Variants in EIF2AK4 observed in about 807,000 individuals in gnomAD.
EIF2AK4 encodes the protein eIF-2-alpha kinase GCN2.
A neutral mutation model predicts 211.1 loss-of-function variants in EIF2AK4; 139 were observed. The observed-to-expected ratio is 0.66, with a 90% confidence interval of 0.57 to 0.76. EIF2AK4 has a LOEUF of 0.76. EIF2AK4 is among the 30% of genes least tolerant of loss of function. The pLI is 0.00. For missense variants in EIF2AK4, 1,664 were observed against 2,043.8 expected (o/e 0.81, Z 3.58); for synonymous variants, 710 against 751.3 (o/e 0.94, Z 0.90).
rs1418461763 is a variant in EIF2AK4, at chr15:39,985,858, G to T, written c.2373G>T (p.Thr791=). 1.2e-6 allele frequency: 2 copies of T among 1,613,984 alleles called. No homozygotes were observed. Among genetic ancestry groups the T allele is most frequent in the African/African-American group, 2.7e-5 (2 of 74,928 alleles). ...NGCHESEPSV[T]TEAVHYLYIQ... ...GCCATGAAAGTGAGCCATCAGTGAC[G>T]ACTGAGGCTGTGCACTACCTATACA... The change falls in exon 14 of 39, where the codon ACG becomes ACT. Residue 791 remains threonine, a synonymous_variant. Transcript: ENST00000263791.
chr15:39,939,621 A>C lies in EIF2AK4; in HGVS notation c.257+4A>C, dbSNP rs371276330. The C allele has an allele frequency of 1.5e-4, 233 of 1,595,368 alleles. No homozygotes were observed. Among genetic ancestry groups the C allele is most frequent in the Non-Finnish European group, 1.9e-4 (225 of 1,169,252 alleles). Reference sequence around the variant, plus strand: ...GCCCACCTACCTATCCAGATGTGTGAGTACATTTATAAATAGCTTTGACGT... The same window carrying C: ...GCCCACCTACCTATCCAGATGTGTGCGTACATTTATAAATAGCTTTGACGT... On this transcript the variant is annotated splice_donor_region_variant and intron_variant, in intron 2 of 38. Coordinates refer to ENST00000263791, the MANE Select transcript of EIF2AK4 (RefSeq NM_001013703.4).
At chr15:39,942,197 C>G (rs572082185) in intron 2 of EIF2AK4, among the ~76,000 whole-genome samples, 1 of 152,228 alleles carries the variant, frequency 6.6e-6, no homozygotes, top group East Asian at 1.9e-4. Context: ...CATTGCTTTT[C>G]TGCAGAATAG....
chr15:40,022,326 A>G (rs2035402371), intron 31 of EIF2AK4, 193 bp from the exon 32 acceptor site: 5 of 536,150 alleles, frequency 9.3e-6, no homozygotes, highest in Non-Finnish European at 1.3e-5. Flanking sequence ...AAGGGAAGGG[A>G]GGCAAGAGAG....
chr15:40,030,292 C>T (rs1212322102), intron 34 of EIF2AK4, 67 bp from the exon 35 acceptor site: 5 of 1,471,338 alleles, frequency 3.4e-6, no homozygotes, highest in Non-Finnish European at 4.7e-6. Context: ...TCTGCCATCT[C>T]TCTGTAGTAT....
At position 40,006,313 on chromosome 15, in the gene EIF2AK4, GA is replaced by G. The variant is rs921485162; in HGVS notation, c.3358-694del. Among the ~76,000 whole-genome samples the G allele has an allele frequency of 1.1e-4, 17 of 150,274 alleles. 1 individual carries two copies. Among genetic ancestry groups the G allele is most frequent in the Admixed American group, 8.6e-4 (13 of 15,114 alleles). On this transcript the variant is annotated intron_variant, in intron 23 of 38. Coordinates refer to ENST00000263791, the MANE Select transcript of EIF2AK4 (RefSeq NM_001013703.4). The stretch of plus-strand genomic sequence containing the variant: ...TCAGATGAGACATTTGCGTTTTGTT[GA>G]AAAAAAAAGAATAGAAGTACAAATA...
intron 9 of EIF2AK4, among the ~76,000 whole-genome samples, chr15:39,968,131 A>C (rs577921752): frequency 6.6e-6 from 1 of 152,306 alleles, no homozygotes; most frequent in East Asian, 1.9e-4. Flanking sequence ...TGGGGGACTG[A>C]TGGGATACTC....
intron 6 of EIF2AK4, among the ~76,000 whole-genome samples, chr15:39,957,943 G>C (rs2034414268): frequency 6.6e-6 from 1 of 152,170 alleles, no homozygotes; most frequent in African/African-American, 2.4e-5. Flanking sequence ...CTATTCTAGT[G>C]GAAAGAACGT....
intron 36 of EIF2AK4, 26 bp downstream of exon 36, chr15:40,032,263 A>AGAGTTGATGTACATTTGTGTGTATTCAC: frequency 1.2e-6 from 2 of 1,605,324 alleles, no homozygotes; most frequent in Non-Finnish European, 1.7e-6. Context: ...TAGTATTTTG[A>AGAGTTGATGTACATTTGTGTGTATTCAC]AGGTGGCTTC....
At chr15:39,953,420 G>T (rs1880641040) in intron 4 of EIF2AK4, among the ~76,000 whole-genome samples, 1 of 152,322 alleles carries the variant, frequency 6.6e-6, no homozygotes, top group Non-Finnish European at 1.5e-5. Context: ...AAATACAGGT[G>T]ATTGAAGAAT....
At chr15:40,027,560 A>T (rs979766975) in intron 33 of EIF2AK4, among the ~76,000 whole-genome samples, 11 of 151,700 alleles carry the variant, frequency 7.3e-5, no homozygotes, top group African/African-American at 2.0e-4. Flanking sequence ...GAGTTCATTG[A>T]CATGGAAAGA....
At chr15:40,022,300 C>T (rs2035401930) in intron 31 of EIF2AK4, 6 of 452,032 alleles carry the variant, frequency 1.3e-5, no homozygotes, top group Admixed American at 3.9e-5. Context: ...TATTCATGGC[C>T]CTTTAAACAA....
chr15:39,939,082 T>A (rs1378901474), intron 1 of EIF2AK4, among the ~76,000 whole-genome samples: 1 of 152,214 alleles, frequency 6.6e-6, no homozygotes, highest in Non-Finnish European at 1.5e-5. Context: ...TACCTTCTCC[T>A]CGCCCACCAC....
chr15:39,957,271 T>C (rs2034403981), intron 6 of EIF2AK4, among the ~76,000 whole-genome samples: 1 of 152,208 alleles, frequency 6.6e-6, no homozygotes, highest in Non-Finnish European at 1.5e-5. Context: ...AGGCTTGTTT[T>C]TGAGATCAGA....
intron 13 of EIF2AK4, among the ~76,000 whole-genome samples, chr15:39,985,063 G>C (rs1595409815): frequency 6.6e-6 from 1 of 152,154 alleles, no homozygotes; most frequent in African/African-American, 2.4e-5. Flanking sequence ...TAGCATGAAG[G>C]GGTGTTGAAT....
chr15:39,941,263 T>C (rs1949531527), intron 2 of EIF2AK4, among the ~76,000 whole-genome samples: 1 of 152,232 alleles, frequency 6.6e-6, no homozygotes, highest in African/African-American at 2.4e-5. Flanking sequence ...GGGATGGGGC[T>C]GAAATTTCTC....
intron 3 of EIF2AK4, among the ~76,000 whole-genome samples, chr15:39,948,859 A>T (rs528569402): frequency 4.6e-5 from 7 of 152,372 alleles, no homozygotes; most frequent in Admixed American, 4.6e-4. Context: ...GAATAGGTCT[A>T]TAAAAGAAAA....
intron 6 of EIF2AK4, among the ~76,000 whole-genome samples, chr15:39,961,287 G>A (rs1226434353): frequency 6.6e-6 from 1 of 152,226 alleles, no homozygotes; most frequent in African/African-American, 2.4e-5. Flanking sequence ...CTGTTTTGCA[G>A]CTTTCTCCAG....
intron 35 of EIF2AK4, among the ~76,000 whole-genome samples, chr15:40,031,864 T>A (rs1462382673): frequency 2.0e-5 from 3 of 152,110 alleles, no homozygotes; most frequent in African/African-American, 7.2e-5. Context: ...TAGCTAGTAT[T>A]ATAAGCGCCG....
chr15:39,943,871 CG>C (rs1450088045), intron 3 of EIF2AK4, among the ~76,000 whole-genome samples: 1 of 152,094 alleles, frequency 6.6e-6, no homozygotes, highest in East Asian at 1.9e-4. Flanking sequence ...GGGAGAATTG[CG>C]TGAGCCCAGG....
Sources: allele counts gnomAD v4.1 joint callset (sites outside exome capture counted in the v4.1 genomes callset), GRCh38; gene constraint gnomAD v4.1.1; transcripts MANE v1.5; gene names NCBI Gene and HGNC (gene_info 2026-07-23, HGNC 2026-07-21).